The following FAT3 variants were observed in gnomAD, a reference collection of about 807,000 sequenced individuals.
FAT3 encodes FAT atypical cadherin 3, also known as protocadherin Fat 3.
A neutral mutation model predicts 310.2 loss-of-function variants in FAT3; 95 were observed. That is an observed-to-expected ratio of 0.31 (90% confidence interval 0.26 to 0.36). FAT3 has a LOEUF of 0.36. Ranked by LOEUF, FAT3 falls within the 10% of genes least tolerant of loss-of-function variation. The pLI is 1.00. For missense variants in FAT3, 5,408 were observed against 5,715.6 expected, an observed-to-expected ratio of 0.95 and a Z score of 1.74; for synonymous variants, 2,314 against 2,192.9, an observed-to-expected ratio of 1.06 and a Z score of -1.54.
At chr11:92,815,093 T>C (rs1261519036) in intron 13 of FAT3, among the ~76,000 whole-genome samples, 2 of 152,150 alleles carry the variant, frequency 1.3e-5, no homozygotes, top group South Asian at 2.1e-4. Flanking sequence ...ATTAAACAGA[T>C]GGAAATGAAC....
Position 92,799,242 on chromosome 11 carries a change from A to G in FAT3, c.6229A>G (p.Ile2077Val), listed in dbSNP as rs755582338. 1.5e-5 allele frequency: 24 copies of G among 1,613,850 alleles called. No individual in the cohort carries two copies. The highest frequency in any genetic ancestry group is 1.8e-5 in the Non-Finnish European group (21 of 1,179,872). ...GGTGGTCAGGGTTAACATTGAAGAC[A>G]TAAATGACAATTCTCCAGTCTTTGT... ...RVVVRVNIED[I>V]NDNSPVFVGL... is the part of the protein sequence containing the mutation. Residue 2077 changes from isoleucine (I) to valine (V), a missense_variant, in exon 10 of 28, where the codon ATA (isoleucine) becomes GTA (valine). Physicochemically the swap from Ile to Val is conservative, Grantham distance 29. This residue lies in a region of FAT3 where 4,588 missense variants were observed against 4,809.8 expected (regional missense o/e 0.95). Coordinates refer to ENST00000525166, the MANE Select transcript of FAT3 (RefSeq NM_001367949.2).
chr11:92,331,941 G>C (rs1435617978), intron 1 of FAT3, among the ~76,000 whole-genome samples: 3 of 152,102 alleles, frequency 2.0e-5, no homozygotes, highest in Non-Finnish European at 4.4e-5. Flanking sequence ...TTCAGTTTAG[G>C]GTTCCTTATC....
At position 92,509,695 on chromosome 11, in the gene FAT3, A is replaced by C. The variant is rs148550437; in HGVS notation, c.3293-14939A>C. Among the ~76,000 whole-genome samples, 6 of 152,324 alleles carry C rather than the reference A, an allele frequency of 3.9e-5. No individual in the cohort carries two copies. In the East Asian group the frequency reaches 9.7e-4, roughly 25 times the overall value. Reference sequence around the variant, plus strand: ...GAACTAAAGTTATTAATGCGGAAAGATGTTCCATGTACAATGGTGAGAATA... The same window carrying C: ...GAACTAAAGTTATTAATGCGGAAAGCTGTTCCATGTACAATGGTGAGAATA... On this transcript the variant is annotated intron_variant, in intron 2 of 27. Transcript: ENST00000525166.
chr11:92,305,165 T>C (rs576689243), intron 1 of FAT3, among the ~76,000 whole-genome samples: 3 of 152,248 alleles, frequency 2.0e-5, no homozygotes, highest in African/African-American at 7.2e-5. Flanking sequence ...CAGCAGAAGG[T>C]TGAAAGGGAA....
chr11:92,262,759 G>A (rs1340062958), intron 1 of FAT3, among the ~76,000 whole-genome samples: 2 of 152,114 alleles, frequency 1.3e-5, no homozygotes. Flanking sequence ...CCAGAGTTAG[G>A]AAACATTCTC....
At chr11:92,442,111 A>ATATATTTTTTT (rs1453396603) in intron 2 of FAT3, among the ~76,000 whole-genome samples, 1 of 45,222 alleles carries the variant, frequency 2.2e-5, no homozygotes, top group African/African-American at 1.8e-4. Context: ...ATATATATAT[A>ATATATTTTTTT]TTTTTTTTTT....
At chr11:92,748,470 T>C (rs910773570) in intron 4 of FAT3, among the ~76,000 whole-genome samples, 4 of 152,208 alleles carry the variant, frequency 2.6e-5, no homozygotes, top group African/African-American at 9.6e-5. Flanking sequence ...TCCTTTCTCC[T>C]TTCTTCTCCT....
intron 2 of FAT3, among the ~76,000 whole-genome samples, chr11:92,374,517 G>T (rs1022326223): frequency 6.6e-6 from 1 of 152,186 alleles, no homozygotes; most frequent in African/African-American, 2.4e-5. Context: ...AAGAAAGATG[G>T]AGAATAAGTT....
chr11:92,439,134 G>T (rs1003371192), intron 2 of FAT3, among the ~76,000 whole-genome samples: 1 of 152,056 alleles, frequency 6.6e-6, no homozygotes, highest in Admixed American at 6.6e-5. Context: ...GTGTATTATT[G>T]GATTCTCTGA....
At chr11:92,835,147 A>G in intron 15 of FAT3, 63 bp downstream of exon 15, 1 of 1,410,994 alleles carries the variant, frequency 7.1e-7, no homozygotes, top group Non-Finnish European at 9.7e-7. Context: ...AATAAAGTGA[A>G]GAAGAAAGCA....
rs1194254105 is a variant in FAT3 at position 92,797,405 on chromosome 11, C to T, written c.4823-431C>T. ...ATTCCCACAACCCTCTTTCTTTAAA[C>T]CTAGAACAGAAAATATGACACTGCT... is the stretch of plus-strand genomic sequence containing the variant. On this transcript the variant is annotated intron_variant, in intron 9 of 27. Coordinates refer to ENST00000525166, the MANE Select transcript of FAT3 (RefSeq NM_001367949.2). Among the ~76,000 whole-genome samples, 4 of 152,302 alleles carry T rather than the reference C, an allele frequency of 2.6e-5. No individual in the cohort carries two copies. In the East Asian group the frequency reaches 7.7e-4, roughly 29 times the overall value.
At chr11:92,480,046 A>G (rs1175646074) in intron 2 of FAT3, among the ~76,000 whole-genome samples, 1 of 152,100 alleles carries the variant, frequency 6.6e-6, no homozygotes, top group Non-Finnish European at 1.5e-5. Flanking sequence ...CAGGCGGATC[A>G]CAAGGTCAGA....
chr11:92,693,001 A>G (rs909024611), intron 3 of FAT3, among the ~76,000 whole-genome samples: 2 of 152,166 alleles, frequency 1.3e-5, no homozygotes, highest in African/African-American at 4.8e-5. Flanking sequence ...GACCATAACT[A>G]CTTAGAACAT....
intron 1 of FAT3, 56 bp from the exon 2 acceptor site, chr11:92,352,039 TC>T (rs1176585711): frequency 1.8e-6 from 2 of 1,099,662 alleles, no homozygotes; most frequent in Non-Finnish European, 2.3e-6. Flanking sequence ...TTTCCCACTC[TC>T]CCCCTTCTTC....
intron 3 of FAT3, among the ~76,000 whole-genome samples, chr11:92,584,245 A>C (rs1315063396): frequency 1.3e-5 from 2 of 151,806 alleles, no homozygotes; most frequent in Admixed American, 6.6e-5. Context: ...CATAGCTTCA[A>C]CTCCCCCAGG....
At chr11:92,665,430 A>T (rs1311171629) in intron 3 of FAT3, among the ~76,000 whole-genome samples, 4 of 152,222 alleles carry the variant, frequency 2.6e-5, no homozygotes, top group African/African-American at 7.2e-5. Context: ...TCTCTTTCTA[A>T]TTAATAAAAG....
At chr11:92,289,540 T>C (rs1163739433) in intron 1 of FAT3, among the ~76,000 whole-genome samples, 2 of 139,506 alleles carry the variant, frequency 1.4e-5, no homozygotes, top group Admixed American at 1.4e-4. Flanking sequence ...CACACACATA[T>C]ATATGTGCAC....
chr11:92,578,554 C>T (rs1254754053), intron 3 of FAT3, among the ~76,000 whole-genome samples: 1 of 152,118 alleles, frequency 6.6e-6, no homozygotes, highest in Non-Finnish European at 1.5e-5. Flanking sequence ...TTGCCCACAA[C>T]ACAGATCTGC....
intron 3 of FAT3, among the ~76,000 whole-genome samples, chr11:92,576,873 A>C (rs1938510645): frequency 1.3e-5 from 2 of 149,354 alleles, no homozygotes; most frequent in Admixed American, 1.4e-4. Flanking sequence ...ATCAATGTAT[A>C]ATCACATAAG....
Sources: allele counts gnomAD v4.1 joint callset (sites outside exome capture counted in the v4.1 genomes callset), GRCh38; gene constraint gnomAD v4.1.1; regional missense constraint gnomAD v4.1.1; transcripts MANE v1.5; gene names NCBI Gene and HGNC (gene_info 2026-07-23, HGNC 2026-07-21).